Variants in MLLT10 observed in about 807,000 individuals in gnomAD.
MLLT10 encodes MLLT10 histone lysine methyltransferase DOT1L cofactor.
Under a neutral mutation model 129.1 loss-of-function variants are expected in MLLT10, and 30 were observed. That is an observed-to-expected ratio of 0.23 (90% CI 0.17 to 0.32). The LOEUF is 0.32. Among genes scored for constraint, MLLT10 ranks in the 10% least tolerant of loss-of-function variants. MLLT10 has a pLI of 1.00. For missense variants in MLLT10, 1,119 were observed against 1,268.3 expected, an observed-to-expected ratio of 0.88 and a Z score of 1.79; for synonymous variants, 490 against 446.4, an observed-to-expected ratio of 1.10 and a Z score of -1.23.
At chr10:21,535,230 G>A (rs534126831) in intron 2 of MLLT10, among the ~76,000 whole-genome samples, 1 of 152,274 alleles carries the variant, frequency 6.6e-6, no homozygotes, top group Admixed American at 6.5e-5. Context: ...GCCTGCAGCC[G>A]CCTGTCTGCC....
chr10:21,713,765 T>G lies in MLLT10; in HGVS notation c.1700-7T>G, dbSNP rs1478808254. 2.5e-6 allele frequency: 4 copies of G among 1,602,118 alleles called. No homozygotes were observed. In the East Asian group the frequency reaches 9.0e-5, roughly 36 times the overall value. On this transcript the variant is annotated splice_polypyrimidine_tract_variant and splice_region_variant and intron_variant, in intron 13 of 22. Coordinates refer to ENST00000307729, the MANE Select transcript of MLLT10 (RefSeq NM_001195626.3). ...GTTATATTTAAATAACATTTGTTTT[T>G]TTGCAGGTATTTATAACAGCAATGA...
intron 9 of MLLT10, among the ~76,000 whole-genome samples, chr10:21,664,591 GT>G (rs1312719393): frequency 2.6e-5 from 4 of 151,978 alleles, no homozygotes; most frequent in African/African-American, 9.7e-5. Context: ...GGCTCTATGT[GT>G]TTTTTATAAC....
At chr10:21,622,104 T>C (rs991502989) in intron 8 of MLLT10, among the ~76,000 whole-genome samples, 5 of 151,692 alleles carry the variant, frequency 3.3e-5, no homozygotes, top group Middle Eastern at 3.4e-3. Context: ...TGGTGAAATA[T>C]GGCTTCGAAT....
chr10:21,553,186 G>A (rs1021627442), intron 3 of MLLT10, among the ~76,000 whole-genome samples: 1 of 152,136 alleles, frequency 6.6e-6, no homozygotes, highest in Non-Finnish European at 1.5e-5. Flanking sequence ...TTGATAAAAT[G>A]GGATTGCTAT....
chr10:21,567,270 G>A (rs189628628), intron 3 of MLLT10, among the ~76,000 whole-genome samples: 2 of 152,268 alleles, frequency 1.3e-5, no homozygotes. Context: ...GTTAAGCCAG[G>A]TAGGGGATGA....
intron 10 of MLLT10, among the ~76,000 whole-genome samples, chr10:21,671,473 C>G (rs1450542873): frequency 6.6e-6 from 1 of 152,128 alleles, no homozygotes; most frequent in Non-Finnish European, 1.5e-5. Flanking sequence ...AAGACCTCAT[C>G]TCTACAAAAA....
rs375026796 is a variant in MLLT10, at chr10:21,582,668, G to A, written c.241-3626G>A. ...TAAGTAGGGTAATAGTGGAGATGGA[G>A]AGAGAGAGGCAGATCTCACCAGTAT... On this transcript the variant is annotated intron_variant, in intron 3 of 22. Transcript: ENST00000307729. Among the ~76,000 whole-genome samples, 3 of 152,240 alleles carry A rather than the reference G, an allele frequency of 2.0e-5. No homozygotes were observed. The East Asian group carries it at 5.8e-4, about 29-fold the overall frequency.
At chr10:21,628,739 C>G (rs984073193) in intron 8 of MLLT10, among the ~76,000 whole-genome samples, 1 of 132,812 alleles carries the variant, frequency 7.5e-6, no homozygotes, top group Non-Finnish European at 1.6e-5. Context: ...CTGTGCCCTG[C>G]CTTTTTTTTT....
At chr10:21,719,746 A>G (rs2131541299) in intron 14 of MLLT10, among the ~76,000 whole-genome samples, 1 of 152,296 alleles carries the variant, frequency 6.6e-6, no homozygotes, top group Middle Eastern at 3.4e-3. Context: ...TCTACCTGCT[A>G]TACAGATACT....
chr10:21,616,094 G>A (rs1372620068), intron 7 of MLLT10, among the ~76,000 whole-genome samples: 2 of 151,902 alleles, frequency 1.3e-5, no homozygotes, highest in East Asian at 1.9e-4. Flanking sequence ...TCTTGTATAC[G>A]AATTACTTAA....
At chr10:21,643,916 T>G (rs891737204) in intron 8 of MLLT10, among the ~76,000 whole-genome samples, 1 of 152,252 alleles carries the variant, frequency 6.6e-6, no homozygotes, top group African/African-American at 2.4e-5. Flanking sequence ...CTGTCAGATG[T>G]GGTCTGCCTG....
intron 13 of MLLT10, among the ~76,000 whole-genome samples, chr10:21,685,031 C>CT (rs1271281607): frequency 4.6e-5 from 7 of 151,946 alleles, no homozygotes; most frequent in Non-Finnish European, 8.8e-5. Flanking sequence ...CCCTTTCTCT[C>CT]TTTTTTAATA....
chr10:21,593,971 T>C (rs1024777285), intron 4 of MLLT10, among the ~76,000 whole-genome samples: 1 of 148,462 alleles, frequency 6.7e-6, no homozygotes, highest in Non-Finnish European at 1.5e-5. Flanking sequence ...TGGAAATTAT[T>C]TGTAGCCAAG....
intron 20 of MLLT10, 57 bp from the exon 21 acceptor site, chr10:21,735,082 T>G: frequency 7.2e-6 from 9 of 1,258,048 alleles, no homozygotes; most frequent in South Asian, 1.3e-5. Context: ...ATTTTTAGAC[T>G]TCTAAAAATG....
intron 8 of MLLT10, among the ~76,000 whole-genome samples, chr10:21,649,585 T>A (rs2048824593): frequency 6.6e-6 from 1 of 152,200 alleles, no homozygotes; most frequent in East Asian, 1.9e-4. Flanking sequence ...GCTAGCTGGG[T>A]GTTCAGTGTT....
intron 3 of MLLT10, among the ~76,000 whole-genome samples, chr10:21,572,465 C>G: frequency 6.6e-6 from 1 of 152,068 alleles, no homozygotes; most frequent in Admixed American, 6.6e-5. Context: ...GTCTGTTGAT[C>G]AGTTTGAGGA....
At chr10:21,539,516 G>A (rs1035598654) in intron 3 of MLLT10, among the ~76,000 whole-genome samples, 1 of 149,178 alleles carries the variant, frequency 6.7e-6, no homozygotes, top group African/African-American at 2.5e-5. Context: ...GTTCACACCT[G>A]TAATCCCAGC....
chr10:21,664,928 G>T (rs1022322669), intron 9 of MLLT10, among the ~76,000 whole-genome samples: 1 of 148,778 alleles, frequency 6.7e-6, no homozygotes, highest in Admixed American at 6.7e-5. Flanking sequence ...TTTAAAATAG[G>T]CTTCTTTTTT....
intron 3 of MLLT10, among the ~76,000 whole-genome samples, chr10:21,566,330 C>T (rs979153929): frequency 1.3e-5 from 2 of 150,344 alleles, no homozygotes; most frequent in Admixed American, 6.7e-5. Context: ...GACTCCCCCC[C>T]ACCCCCTTTT....
Sources: allele counts gnomAD v4.1 joint callset (sites outside exome capture counted in the v4.1 genomes callset), GRCh38; gene constraint gnomAD v4.1.1; transcripts MANE v1.5; gene names NCBI Gene and HGNC (gene_info 2026-07-23, HGNC 2026-07-21).